Variants in AFF3 observed in about 807,000 individuals in gnomAD.
AFF3 encodes ALF transcription elongation factor 3.
AFF3 carries 32 observed loss-of-function variants against 129.7 expected under a neutral mutation model. The ratio of observed to expected loss-of-function variants is 0.25; its 90% CI spans 0.19 to 0.33. The LOEUF (loss-of-function observed/expected upper bound fraction) is 0.33, where lower values mean the gene tolerates loss of function less well. Ranked by LOEUF, AFF3 falls within the 10% of genes least tolerant of loss-of-function variation. The probability of loss-of-function intolerance (pLI) is 1.00; values close to 1 mark genes in which losing one functional copy is unlikely to be tolerated. For synonymous variants in AFF3, 644 were observed against 635.4 expected (o/e 1.01, Z -0.20); for missense variants, 1,373 against 1,592.0 (o/e 0.86, Z 2.34).
chr2:99,747,114 C>T (rs1046861731), intron 9 of AFF3, among the ~76,000 whole-genome samples: 12 of 150,618 alleles, frequency 8.0e-5, no homozygotes, highest in South Asian at 2.1e-4. Flanking sequence ...CTGCAGCCTC[C>T]GCCTCCCAGG....
chr2:99,798,886 A>G (rs1183043647), intron 8 of AFF3, among the ~76,000 whole-genome samples: 1 of 152,038 alleles, frequency 6.6e-6, no homozygotes, highest in Non-Finnish European at 1.5e-5. Flanking sequence ...TTGATAGAAT[A>G]CATAGGAAGA....
intron 4 of AFF3, among the ~76,000 whole-genome samples, chr2:100,074,693 G>A (rs540112843): frequency 6.6e-6 from 1 of 152,274 alleles, no homozygotes; most frequent in African/African-American, 2.4e-5. Context: ...AAATTAGACG[G>A]TACACAATAG....
At chr2:99,964,786 G>A (rs1677581467) in intron 7 of AFF3, among the ~76,000 whole-genome samples, 1 of 152,164 alleles carries the variant, frequency 6.6e-6, no homozygotes, top group Non-Finnish European at 1.5e-5. Context: ...GGCAACATAA[G>A]GGATCTTTGT....
At chr2:100,014,052 G>T (rs1315817244) in intron 4 of AFF3, among the ~76,000 whole-genome samples, 1 of 151,632 alleles carries the variant, frequency 6.6e-6, no homozygotes, top group Non-Finnish European at 1.5e-5. Flanking sequence ...CAGCCAGCCA[G>T]GGGGGGATGA....
intron 10 of AFF3, among the ~76,000 whole-genome samples, chr2:99,728,467 A>C: frequency 6.6e-6 from 1 of 152,238 alleles, no homozygotes; most frequent in East Asian, 1.9e-4. Flanking sequence ...GTCGTCACCT[A>C]GTCCCAGGAA....
intron 8 of AFF3, among the ~76,000 whole-genome samples, chr2:99,834,906 T>C (rs1156338129): frequency 6.6e-6 from 1 of 152,210 alleles, no homozygotes; most frequent in Non-Finnish European, 1.5e-5. Context: ...AATGGCATGC[T>C]AATTAATCCA....
intron 4 of AFF3, among the ~76,000 whole-genome samples, chr2:100,042,204 G>A (rs553163107): frequency 1.2e-4 from 18 of 152,062 alleles, no homozygotes; most frequent in Admixed American, 2.6e-4. Flanking sequence ...GCTTTCTCCC[G>A]AAACCTCCGT....
chr2:99,635,877 G>A (rs894841901), intron 13 of AFF3, among the ~76,000 whole-genome samples: 2 of 152,178 alleles, frequency 1.3e-5, no homozygotes, highest in African/African-American at 4.8e-5. Context: ...GCCTGGGGCA[G>A]CAAGCATGCA....
chr2:99,776,936 C>T (rs77926892), intron 8 of AFF3, among the ~76,000 whole-genome samples: 3,792 of 152,210 alleles, frequency 0.025, 82 homozygotes, highest in Middle Eastern at 0.048. Context: ...GGCACTGGGC[C>T]GAGCATGTCA....
At chr2:100,034,974 C>A (rs990691550) in intron 4 of AFF3, among the ~76,000 whole-genome samples, 4 of 152,164 alleles carry the variant, frequency 2.6e-5, no homozygotes, top group African/African-American at 9.7e-5. Context: ...AGTGTCCATT[C>A]CCCTGGGGAT....
chr2:99,946,710 G>T (rs571579846), intron 7 of AFF3, among the ~76,000 whole-genome samples: 1 of 151,996 alleles, frequency 6.6e-6, no homozygotes, highest in Non-Finnish European at 1.5e-5. Context: ...CAAAGTTTAC[G>T]TTTTTTACTA....
chr2:99,875,921 A>C (rs952348686), intron 7 of AFF3, among the ~76,000 whole-genome samples: 2 of 152,182 alleles, frequency 1.3e-5, no homozygotes, highest in Non-Finnish European at 2.9e-5. Flanking sequence ...TGCTGAATCC[A>C]ACAGGCTTTT....
chr2:99,778,870 T>TTGTG (rs60512639), intron 8 of AFF3, among the ~76,000 whole-genome samples: 75 of 138,484 alleles, frequency 5.4e-4, no homozygotes, highest in South Asian at 1.0e-3. Context: ...ACCTATAATT[T>TTGTG]TGTGTGTGTG....
chr2:100,093,658 A>G (rs902121591), intron 4 of AFF3, among the ~76,000 whole-genome samples: 2 of 152,014 alleles, frequency 1.3e-5, no homozygotes, highest in African/African-American at 4.8e-5. Context: ...AACTACCTTC[A>G]ATGAAAGGAA....
At chr2:99,673,730 C>A (rs920100925) in intron 11 of AFF3, among the ~76,000 whole-genome samples, 2 of 152,160 alleles carry the variant, frequency 1.3e-5, no homozygotes, top group Non-Finnish European at 2.9e-5. Flanking sequence ...CCTTTAAAAG[C>A]CGGTTGTAGG....
At chr2:100,002,493 T>C (rs1190664523) in intron 7 of AFF3, among the ~76,000 whole-genome samples, 3 of 152,246 alleles carry the variant, frequency 2.0e-5, no homozygotes, top group Admixed American at 1.3e-4. Flanking sequence ...TCTTAGACTA[T>C]TTAATTACTT....
chr2:99,552,907 G>C (rs1388031436), intron 24 of AFF3, among the ~76,000 whole-genome samples: 1 of 152,150 alleles, frequency 6.6e-6, no homozygotes, highest in African/African-American at 2.4e-5. Context: ...ACCTATTTCA[G>C]TCACTCAACT....
intron 13 of AFF3, among the ~76,000 whole-genome samples, chr2:99,635,769 G>C (rs1683594244): frequency 6.6e-6 from 1 of 152,108 alleles, no homozygotes; most frequent in Non-Finnish European, 1.5e-5. Context: ...ATCTCTCTAG[G>C]CTTCAGTTTC....
At chr2:99,973,879 G>A (rs112526820) in intron 7 of AFF3, among the ~76,000 whole-genome samples, 17 of 152,172 alleles carry the variant, frequency 1.1e-4, no homozygotes, top group East Asian at 3.9e-4. Context: ...GAACGCAGGC[G>A]TTAATGAGCC....
Sources: allele counts gnomAD v4.1 joint callset (sites outside exome capture counted in the v4.1 genomes callset), GRCh38; gene constraint gnomAD v4.1.1; transcripts MANE v1.5; gene names NCBI Gene and HGNC (gene_info 2026-07-23, HGNC 2026-07-21).